SYN2: variants seen among roughly 807,000 people sequenced by gnomAD.
SYN2 encodes synapsin II.
In SYN2, 19 loss-of-function variants were observed where a neutral mutation model predicts 50.9. The ratio of observed to expected loss-of-function variants is 0.37; its 90% CI spans 0.26 to 0.55. The LOEUF (loss-of-function observed/expected upper bound fraction) is 0.55. Among genes scored for constraint, SYN2 ranks in the 20% least tolerant of loss-of-function variants. The pLI is 0.81. For synonymous variants in SYN2, 255 were observed against 224.9 expected (o/e 1.13, Z -1.20); for missense variants, 587 against 576.4 (o/e 1.02, Z -0.19).
In SYN2 at chr3:12,190,975, C is replaced by G; in HGVS notation, c.*350C>G. The G allele has an allele frequency of 9.7e-7, 1 of 1,034,494 alleles. No individual in the cohort carries two copies. The highest frequency in any genetic ancestry group is 1.2e-6 in the Non-Finnish European group (1 of 862,382). The allele number at this position is 1,034,494 out of a possible 1,614,324, so 64.1% of individuals were successfully genotyped here. ...GTGAAACCAGGATTAATCGTGGACT[C>G]CTGGCAGCTTAACCTAGCTCAGTTG... On this transcript the variant is annotated 3_prime_UTR_variant, in exon 13 of 13. Coordinates refer to ENST00000621198, the MANE Select transcript of SYN2 (RefSeq NM_133625.6).
At chr3:12,068,500 C>T (rs1428372388) in intron 1 of SYN2, among the ~76,000 whole-genome samples, 2 of 152,162 alleles carry the variant, frequency 1.3e-5, no homozygotes, top group African/African-American at 4.8e-5. Flanking sequence ...TTGCTTGACT[C>T]TCTGGAGCCC....
intron 1 of SYN2, among the ~76,000 whole-genome samples, chr3:12,098,957 T>TACCAGAG (rs1027672911): frequency 5.3e-5 from 8 of 151,010 alleles, no homozygotes; most frequent in African/African-American, 1.9e-4. Flanking sequence ...TAAAAATTGC[T>TACCAGAG]ACCAGAGACA....
At chr3:12,141,516 A>G (rs1697017902) in intron 2 of SYN2, among the ~76,000 whole-genome samples, 1 of 152,212 alleles carries the variant, frequency 6.6e-6, no homozygotes, top group Admixed American at 6.5e-5. Context: ...TAGTTACCTA[A>G]ATTTAGACCT....
At chr3:12,086,000 A>G (rs750235419) in intron 1 of SYN2, among the ~76,000 whole-genome samples, 4 of 152,196 alleles carry the variant, frequency 2.6e-5, no homozygotes, top group Admixed American at 6.5e-5. Flanking sequence ...ACAGTATTTT[A>G]GCTAGACTAA....
In SYN2 at chr3:12,140,664, C is replaced by T. The variant is rs774872501; in HGVS notation, c.391C>T (p.Arg131Trp). The change falls in exon 2 of 13, where the codon CGG (arginine) becomes TGG (tryptophan). Residue 131 changes from arginine to tryptophan, a missense_variant. Arg to Trp is a moderately radical substitution (Grantham distance 101, BLOSUM62 -3). Transcript: ENST00000621198. The stretch of plus-strand genomic sequence containing the variant: ...TCTTTTCTCCAGGGCCAAGTGCTTT[C>T]GGGGCAAAAAAGTCCTTGGAGATTA... ...EPHADWAKCF[R>W]GKKVLGDYDI... 2.9e-5 allele frequency: 22 copies of T among 763,130 alleles called. No individual in the cohort carries two copies. The highest frequency in any genetic ancestry group is 1.5e-4 in the South Asian group (11 of 71,192). 47.3% of individuals were successfully genotyped at this position (763,130 alleles called of 1,614,324 possible). A position where few individuals can be genotyped will look rare whatever the true frequency, so the allele number is the denominator to read the frequency against.
At chr3:12,039,066 G>T (rs1390322837) in intron 1 of SYN2, among the ~76,000 whole-genome samples, 2 of 152,106 alleles carry the variant, frequency 1.3e-5, no homozygotes, top group South Asian at 4.2e-4. Flanking sequence ...TTATTAGGTT[G>T]AGGAAGTTTC....
intron 1 of SYN2, among the ~76,000 whole-genome samples, chr3:12,057,708 A>C (rs546985323): frequency 3.3e-4 from 50 of 152,310 alleles, no homozygotes; most frequent in African/African-American, 1.1e-3. Context: ...ACTGGTTTCC[A>C]ATCTCTATAG....
intron 1 of SYN2, among the ~76,000 whole-genome samples, chr3:12,117,855 C>T (rs1696466514): frequency 6.6e-6 from 1 of 152,172 alleles, no homozygotes; most frequent in African/African-American, 2.4e-5. Context: ...AACAGATTCC[C>T]ATATCTTCCT....
At chr3:12,165,987 T>C (rs914831244) in intron 7 of SYN2, among the ~76,000 whole-genome samples, 3 of 152,198 alleles carry the variant, frequency 2.0e-5, no homozygotes, top group African/African-American at 7.2e-5. Flanking sequence ...CTTACTCTTA[T>C]CTGTCAAGCA....
chr3:12,157,110 AC>A (rs60634351), intron 5 of SYN2, among the ~76,000 whole-genome samples: 9 of 152,272 alleles, frequency 5.9e-5, no homozygotes, highest in South Asian at 2.1e-4. Flanking sequence ...AACAACAACA[AC>A]AAAAAACACC....
At chr3:12,181,459 G>A (rs1168626426) in intron 10 of SYN2, among the ~76,000 whole-genome samples, 2 of 152,250 alleles carry the variant, frequency 1.3e-5, no homozygotes, top group Admixed American at 6.5e-5. Context: ...CCTGGACTGA[G>A]CAGCTGTTTA....
chr3:12,091,840 A>G (rs898998255), intron 1 of SYN2, among the ~76,000 whole-genome samples: 3 of 152,168 alleles, frequency 2.0e-5, no homozygotes, highest in African/African-American at 7.2e-5. Flanking sequence ...GCCTATGTAC[A>G]ACTGTTTTCT....
intron 1 of SYN2, among the ~76,000 whole-genome samples, chr3:12,061,426 A>G (rs780315641): frequency 7.9e-5 from 12 of 152,146 alleles, no homozygotes; most frequent in Non-Finnish European, 1.2e-4. Flanking sequence ...AGAACATCTT[A>G]CAAAAAAAGC....
intron 1 of SYN2, among the ~76,000 whole-genome samples, chr3:12,042,934 A>G (rs997033147): frequency 6.6e-6 from 1 of 152,176 alleles, no homozygotes; most frequent in Non-Finnish European, 1.5e-5. Flanking sequence ...GAGGGAACAT[A>G]GCCCGGCCAA....
chr3:12,137,018 G>A (rs1696909120), intron 1 of SYN2, among the ~76,000 whole-genome samples: 1 of 152,150 alleles, frequency 6.6e-6, no homozygotes, highest in East Asian at 1.9e-4. Context: ...GTCCAAGGCA[G>A]GAGGATTGCT....
chr3:12,016,710 G>A (rs1193612753), intron 1 of SYN2, among the ~76,000 whole-genome samples: 5 of 152,158 alleles, frequency 3.3e-5, no homozygotes, highest in African/African-American at 1.2e-4. Context: ...ACAAAAATTA[G>A]CTGGGTGTGG....
chr3:12,076,482 CATACTA>C (rs1695470132), intron 1 of SYN2, among the ~76,000 whole-genome samples: 1 of 151,722 alleles, frequency 6.6e-6, no homozygotes, highest in African/African-American at 2.4e-5. Context: ...TCAAGGGAAT[CATACTA>C]ATAATACATA....
At chr3:12,070,848 T>C in intron 1 of SYN2, 1 of 584,270 alleles carries the variant, frequency 1.7e-6, no homozygotes, top group Non-Finnish European at 3.4e-6. Context: ...ACACCATGGC[T>C]GAGTGGGAGA....
intron 5 of SYN2, chr3:12,154,343 A>G: frequency 6.2e-7 from 1 of 1,614,238 alleles, no homozygotes; most frequent in South Asian, 1.1e-5. Context: ...GCCACAGTTC[A>G]GATGGTAGTG....
Sources: gnomAD v4.1 joint callset for allele counts (sites outside exome capture counted in the v4.1 genomes callset) on GRCh38, gnomAD v4.1.1 for gene constraint, MANE v1.5 for transcripts, NCBI Gene and HGNC (gene_info 2026-07-23, HGNC 2026-07-21) for gene names.